The following FAM13B variants were observed in gnomAD, a reference collection of about 807,000 sequenced individuals.
The protein encoded by FAM13B is protein FAM13B.
Under a neutral mutation model 117.3 loss-of-function variants are expected in FAM13B, and 60 were observed. The observed-to-expected ratio is 0.51, with a 90% confidence interval of 0.42 to 0.63. FAM13B has a LOEUF of 0.63. FAM13B is among the 30% of genes least tolerant of loss of function. The probability of loss-of-function intolerance (pLI) is 0.00; values close to 1 mark genes in which losing one functional copy is unlikely to be tolerated. For missense variants in FAM13B, 972 were observed against 1,091.9 expected (o/e 0.89, Z 1.55); for synonymous variants, 332 against 356.1 (o/e 0.93, Z 0.76).
At chr5:138,020,217 C>T (rs562925773) in intron 2 of FAM13B, among the ~76,000 whole-genome samples, 4 of 152,090 alleles carry the variant, frequency 2.6e-5, no homozygotes, top group South Asian at 4.1e-4. Context: ...TGCGCCACCA[C>T]GCCCGGCTAA....
chr5:138,043,256 C>T (rs758768386), intron 1 of FAM13B, among the ~76,000 whole-genome samples: 2 of 152,040 alleles, frequency 1.3e-5, no homozygotes, highest in African/African-American at 4.8e-5. Context: ...GTCCCAGCTA[C>T]TCAGGAGGCT....
At chr5:137,985,430 A>T in intron 9 of FAM13B, 41 bp from the exon 10 acceptor site, 1 of 1,595,634 alleles carries the variant, frequency 6.3e-7, no homozygotes, top group Non-Finnish European at 8.6e-7. Context: ...CCAAATGTTG[A>T]GTGTGTAATG....
chr5:137,976,091 G>A (rs1344403027), intron 10 of FAM13B, among the ~76,000 whole-genome samples: 1 of 149,364 alleles, frequency 6.7e-6, no homozygotes, highest in African/African-American at 2.5e-5. Context: ...CAAGTAGCTG[G>A]GACTACAGGC....
chr5:138,018,199 C>T (rs1785734495), intron 4 of FAM13B, 103 bp downstream of exon 4: 3 of 985,870 alleles, frequency 3.0e-6, no homozygotes, highest in Non-Finnish European at 4.5e-6. Flanking sequence ...ACAAATTAAT[C>T]TCTAAAATAC....
At chr5:137,982,956 A>G (rs561155455) in intron 10 of FAM13B, among the ~76,000 whole-genome samples, 1 of 152,280 alleles carries the variant, frequency 6.6e-6, no homozygotes, top group East Asian at 1.9e-4. Flanking sequence ...AGTTGGATAT[A>G]GCAATCTAAA....
At chr5:137,986,708 G>A (rs1777332643) in intron 9 of FAM13B, among the ~76,000 whole-genome samples, 1 of 152,126 alleles carries the variant, frequency 6.6e-6, no homozygotes, top group African/African-American at 2.4e-5. Context: ...TCAGATTTTG[G>A]AATATTTGCC....
chr5:137,979,543 A>C (rs998778622), intron 10 of FAM13B, among the ~76,000 whole-genome samples: 2 of 152,128 alleles, frequency 1.3e-5, no homozygotes, highest in Non-Finnish European at 2.9e-5. Context: ...GTATGACCCA[A>C]ATCTACCAAT....
chr5:137,973,267 A>T (rs1772855748), intron 10 of FAM13B, among the ~76,000 whole-genome samples: 2 of 152,226 alleles, frequency 1.3e-5, no homozygotes, highest in African/African-American at 4.8e-5. Context: ...AGAGATATAG[A>T]TCAATGGAAC....
At chr5:137,976,769 C>G (rs1457519845) in intron 10 of FAM13B, among the ~76,000 whole-genome samples, 1 of 152,176 alleles carries the variant, frequency 6.6e-6, no homozygotes, top group Non-Finnish European at 1.5e-5. Flanking sequence ...CCTGTCTTTA[C>G]TTTAATCTCT....
intron 13 of FAM13B, 85 bp downstream of exon 13, chr5:137,959,531 A>G: frequency 1.4e-6 from 2 of 1,383,026 alleles, no homozygotes; most frequent in Non-Finnish European, 2.0e-6. Flanking sequence ...GTTATCCAGA[A>G]AAGGGCTGTA....
Position 138,017,180 on chromosome 5 carries a change from G to C in FAM13B, c.370+1122C>G, listed in dbSNP as rs957484336. Among the ~76,000 whole-genome samples, 4 of 152,158 alleles carry C rather than the reference G, an allele frequency of 2.6e-5. No individual in the cohort carries two copies. The East Asian group carries it at 7.7e-4, about 29-fold the overall frequency. ...GGTTACCCCTTCCTGAATATAGCAA[G>C]TTCAAAGTAAGCCTTATGATTTAGC... is the stretch of plus-strand genomic sequence containing the variant. On this transcript the variant is annotated intron_variant, in intron 4 of 23. Transcript: ENST00000689681.
chr5:137,978,342 T>C (rs1774638173), intron 10 of FAM13B, among the ~76,000 whole-genome samples: 1 of 152,192 alleles, frequency 6.6e-6, no homozygotes, highest in Non-Finnish European at 1.5e-5. Flanking sequence ...ATCAAAGGTT[T>C]AAGGTCTTTT....
chr5:138,043,426 T>C (rs932863479), intron 1 of FAM13B, among the ~76,000 whole-genome samples: 5 of 140,236 alleles, frequency 3.6e-5, no homozygotes, highest in African/African-American at 1.3e-4. Flanking sequence ...GGCATTATTC[T>C]TTTTTTTCTT....
At chr5:138,032,341 G>T (rs1232075399) in intron 1 of FAM13B, among the ~76,000 whole-genome samples, 3 of 152,220 alleles carry the variant, frequency 2.0e-5, no homozygotes, top group African/African-American at 4.8e-5. Flanking sequence ...TTAAAAAGGG[G>T]CGCAGTTGAG....
At chr5:137,971,704 T>C (rs1581134055) in intron 10 of FAM13B, among the ~76,000 whole-genome samples, 1 of 150,174 alleles carries the variant, frequency 6.7e-6, no homozygotes, top group African/African-American at 2.4e-5. Context: ...ACAAAATTGA[T>C]AGACCGCTAG....
At chr5:138,034,689 C>T (rs1790907765), upstream of FAM13B, among the ~76,000 whole-genome samples, 1 of 152,142 alleles carries the variant, frequency 6.6e-6, no homozygotes, top group African/African-American at 2.4e-5. Flanking sequence ...TCAACAGAGC[C>T]TGATTTCAGA....
At chr5:138,039,028 A>G (rs1292839729) in intron 1 of FAM13B, among the ~76,000 whole-genome samples, 2 of 152,242 alleles carry the variant, frequency 1.3e-5, no homozygotes, top group African/African-American at 2.4e-5. Context: ...AACAATTAAC[A>G]GTAAGTCTCA....
intron 1 of FAM13B, among the ~76,000 whole-genome samples, chr5:138,048,390 G>A (rs778772659): frequency 2.6e-5 from 4 of 152,174 alleles, no homozygotes; most frequent in Admixed American, 6.5e-5. Flanking sequence ...ATAGTGGAGG[G>A]TACAGAACTT....
intron 7 of FAM13B, among the ~76,000 whole-genome samples, chr5:138,004,964 G>A (rs1299381646): frequency 1.3e-5 from 2 of 152,170 alleles, no homozygotes; most frequent in Non-Finnish European, 2.9e-5. Context: ...GAGGCCGGGT[G>A]CAGTGGCTCA....
Sources: allele counts gnomAD v4.1 joint callset (sites outside exome capture counted in the v4.1 genomes callset), GRCh38; gene constraint gnomAD v4.1.1; transcripts MANE v1.5; gene names NCBI Gene and HGNC (gene_info 2026-07-23, HGNC 2026-07-21).